The following KCNIP4 variants were observed in gnomAD, a reference collection of about 807,000 sequenced individuals.
KCNIP4 encodes Kv channel-interacting protein 4.
In KCNIP4, 12 loss-of-function variants were observed where a neutral mutation model predicts 34.0. The observed-to-expected ratio is 0.35, with a 90% CI of 0.23 to 0.57. KCNIP4 has a LOEUF of 0.57. KCNIP4 is among the 20% of genes least tolerant of loss of function. The pLI is 0.83. For synonymous variants in KCNIP4, 124 were observed against 102.2 expected, an observed-to-expected ratio of 1.21 and a Z score of -1.29; for missense variants, 238 against 311.7, an observed-to-expected ratio of 0.76 and a Z score of 1.78.
At chr4:21,825,878 A>C (rs1483861012) in intron 1 of KCNIP4, among the ~76,000 whole-genome samples, 1 of 152,126 alleles carries the variant, frequency 6.6e-6, no homozygotes, top group East Asian at 1.9e-4. Context: ...GTGAGAGAGG[A>C]TGGCAGATAA....
rs146242214 is a variant in KCNIP4 at position 20,974,042 on chromosome 4, C to T, written c.62-91333G>A. The stretch of plus-strand genomic sequence containing the variant: ...TACAAAGACACAAACTGAGCACATG[C>T]TGTTGGAAAAATGGCACCAAAAGGC... On this transcript the variant is annotated intron_variant, in intron 1 of 8. Coordinates refer to ENST00000382152, the MANE Select transcript of KCNIP4 (RefSeq NM_025221.6). Among the ~76,000 whole-genome samples, 4 of 152,218 alleles carry T rather than the reference C, an allele frequency of 2.6e-5. No individual in the cohort carries two copies. The East Asian group carries it at 7.7e-4, about 29-fold the overall frequency.
chr4:21,646,680 T>A (rs1747046370), intron 1 of KCNIP4, among the ~76,000 whole-genome samples: 1 of 152,214 alleles, frequency 6.6e-6, no homozygotes, highest in South Asian at 2.1e-4. Context: ...TATAGGTGAT[T>A]TGCTCTCCAT....
intron 1 of KCNIP4, among the ~76,000 whole-genome samples, chr4:21,294,387 G>C (rs138822771): frequency 6.6e-6 from 1 of 152,182 alleles, no homozygotes; most frequent in South Asian, 2.1e-4. Context: ...CTGTGTCATC[G>C]CATTTTGGCA....
chr4:21,282,820 T>G (rs978884405), intron 1 of KCNIP4, among the ~76,000 whole-genome samples: 1 of 152,178 alleles, frequency 6.6e-6, no homozygotes, highest in Non-Finnish European at 1.5e-5. Flanking sequence ...AGTTTTCATC[T>G]CCATTCTTGA....
chr4:21,263,354 G>A (rs752602090), intron 1 of KCNIP4, among the ~76,000 whole-genome samples: 10 of 152,190 alleles, frequency 6.6e-5, no homozygotes, highest in Non-Finnish European at 1.5e-4. Context: ...AATGGTTAGT[G>A]GCGAAGGCTG....
At chr4:20,993,603 A>G in intron 1 of KCNIP4, among the ~76,000 whole-genome samples, 1 of 152,158 alleles carries the variant, frequency 6.6e-6, no homozygotes, top group East Asian at 1.9e-4. Flanking sequence ...CTGGAAACAA[A>G]ATCATTCTTC....
intron 1 of KCNIP4, among the ~76,000 whole-genome samples, chr4:20,947,742 T>C (rs1732336435): frequency 6.6e-6 from 1 of 152,176 alleles, no homozygotes; most frequent in African/African-American, 2.4e-5. Context: ...ACACTGACGT[T>C]GAAATTGTTA....
chr4:21,814,919 C>A (rs1721900236), intron 1 of KCNIP4, among the ~76,000 whole-genome samples: 1 of 152,126 alleles, frequency 6.6e-6, no homozygotes, highest in Admixed American at 6.6e-5. Flanking sequence ...AGGAGTAAGC[C>A]TGAGCTCTAA....
chr4:20,996,870 C>T (rs6847315), intron 1 of KCNIP4, among the ~76,000 whole-genome samples: 2,546 of 152,110 alleles, frequency 0.017, 73 homozygotes, highest in African/African-American at 0.059. Flanking sequence ...CTCACTGTCT[C>T]CAGGAACTAG....
At chr4:21,326,188 T>C (rs747582843) in intron 1 of KCNIP4, among the ~76,000 whole-genome samples, 20 of 151,824 alleles carry the variant, frequency 1.3e-4, no homozygotes, top group Admixed American at 8.5e-4. Flanking sequence ...AAAGTGAGTG[T>C]TGAAGTCTCC....
chr4:21,175,832 C>T (rs1754363268), intron 1 of KCNIP4, among the ~76,000 whole-genome samples: 1 of 152,100 alleles, frequency 6.6e-6, no homozygotes, highest in Non-Finnish European at 1.5e-5. Context: ...TTTTAGATGG[C>T]AGCTGACCAC....
At chr4:21,728,169 C>G (rs1715331328) in intron 1 of KCNIP4, among the ~76,000 whole-genome samples, 4 of 152,110 alleles carry the variant, frequency 2.6e-5, no homozygotes, top group Non-Finnish European at 5.9e-5. Context: ...TCCCTGAACT[C>G]TAGACTCATG....
intron 1 of KCNIP4, among the ~76,000 whole-genome samples, chr4:21,149,794 CT>C (rs1752630465): frequency 2.6e-5 from 4 of 151,798 alleles, no homozygotes; most frequent in African/African-American, 9.7e-5. Flanking sequence ...GAACAGGGAT[CT>C]ATGGTTTGGG....
In KCNIP4 at chr4:21,189,818, C is replaced by G. The variant is rs536500092; in HGVS notation, c.62-307109G>C. 4.6e-5 allele frequency among the ~76,000 whole-genome samples: 7 copies of G among 152,264 alleles called. No homozygotes were observed. The South Asian group carries it at 1.5e-3, about 32-fold the overall frequency. On this transcript the variant is annotated intron_variant, in intron 1 of 8. Coordinates refer to ENST00000382152, the MANE Select transcript of KCNIP4 (RefSeq NM_025221.6). ...AAAGGTCTAGTAAAACATTAACATT[C>G]AGGGATTTCACTTTCCCCTTTATTT...
At chr4:21,758,175 G>A (rs1717795383) in intron 1 of KCNIP4, among the ~76,000 whole-genome samples, 1 of 152,160 alleles carries the variant, frequency 6.6e-6, no homozygotes, top group Non-Finnish European at 1.5e-5. Flanking sequence ...GTTTTGGGGT[G>A]CAATTTGTGT....
chr4:21,812,965 C>A (rs1352033331), intron 1 of KCNIP4, among the ~76,000 whole-genome samples: 2 of 152,128 alleles, frequency 1.3e-5, no homozygotes, highest in African/African-American at 4.8e-5. Context: ...GTACCTACGT[C>A]CAGTCTTGTG....
chr4:21,876,731 A>T (rs1397251466), intron 1 of KCNIP4, among the ~76,000 whole-genome samples: 3 of 152,236 alleles, frequency 2.0e-5, no homozygotes, highest in African/African-American at 7.2e-5. Flanking sequence ...AGTGTTTTTT[A>T]AAATTTCTAA....
chr4:21,404,291 T>G, intron 1 of KCNIP4, among the ~76,000 whole-genome samples: 1 of 152,262 alleles, frequency 6.6e-6, no homozygotes, highest in East Asian at 1.9e-4. Context: ...TATTATTTTT[T>G]TCCTGCTTCT....
chr4:21,029,743 A>G (rs1740844682), intron 1 of KCNIP4, among the ~76,000 whole-genome samples: 1 of 152,160 alleles, frequency 6.6e-6, no homozygotes, highest in African/African-American at 2.4e-5. Flanking sequence ...GTTGTTGAGC[A>G]TCATTATGGA....
Sources: gnomAD v4.1 joint callset for allele counts (sites outside exome capture counted in the v4.1 genomes callset) on GRCh38, gnomAD v4.1.1 for gene constraint, MANE v1.5 for transcripts, NCBI Gene and HGNC (gene_info 2026-07-23, HGNC 2026-07-21) for gene names.